The following USP14 variants were observed in gnomAD, a reference collection of about 807,000 sequenced individuals.
USP14 encodes ubiquitin carboxyl-terminal hydrolase 14.
In USP14, 38 loss-of-function variants were observed where a neutral mutation model predicts 76.5. That is an observed-to-expected ratio of 0.50 (90% CI 0.38 to 0.65). USP14 has a LOEUF of 0.65. Among genes scored for constraint, USP14 ranks in the 30% least tolerant of loss-of-function variants. USP14 has a pLI of 0.00. For synonymous variants in USP14, 192 were observed against 191.7 expected, an observed-to-expected ratio of 1.00 and a Z score of -0.01; for missense variants, 467 against 586.5, an observed-to-expected ratio of 0.80 and a Z score of 2.10.
intron 13 of USP14, among the ~76,000 whole-genome samples, chr18:206,194 C>G (rs369473697): frequency 3.9e-5 from 6 of 152,342 alleles, no homozygotes; most frequent in East Asian, 3.9e-4. Flanking sequence ...GAGACTGATT[C>G]ACTTTCTCTG....
intron 5 of USP14, among the ~76,000 whole-genome samples, chr18:182,430 G>A (rs191541285): frequency 5.3e-5 from 8 of 152,198 alleles, no homozygotes; most frequent in Non-Finnish European, 4.4e-5. Context: ...AGAGAAGGGA[G>A]AGAAGGAGTG....
At position 209,986 on chromosome 18, in the gene USP14, A is replaced by G. The variant is rs373139406; in HGVS notation, c.1180A>G (p.Ser394Gly). 6.9e-6 allele frequency: 11 copies of G among 1,602,498 alleles called. No homozygotes were observed. In the African/African-American group the frequency reaches 1.5e-4, roughly 22 times the overall value. Reference protein sequence around the residue: ...QQPNTSDKKSSPQKEVKYEPF... With the variant: ...QQPNTSDKKSGPQKEVKYEPF... The stretch of plus-strand genomic sequence containing the variant: ...TTCTCCTCAGAGTGACAAAAAGAGT[A>G]GTCCCCAGAAAGAAGTTAAGTATGA... Residue 394 changes from serine to glycine, a missense_variant, in exon 14 of 16, where the codon AGT becomes GGT. Coordinates refer to ENST00000261601, the MANE Select transcript of USP14 (RefSeq NM_005151.4).
rs561587226 is a variant in USP14, at chr18:211,836, A to T, written c.*552A>T. On this transcript the variant is annotated 3_prime_UTR_variant, in exon 16 of 16. Coordinates refer to ENST00000261601, the MANE Select transcript of USP14 (RefSeq NM_005151.4). ...ATCAAGTATTTGTCCAGCCTATTGCAGGCTTTTCCTGACTTTAAAATAAAT... is the reference window on the plus strand; with the variant it reads ...ATCAAGTATTTGTCCAGCCTATTGCTGGCTTTTCCTGACTTTAAAATAAAT... The T allele has an allele frequency of 6.5e-6, 1 of 152,778 alleles. No homozygotes were observed. The highest frequency in any genetic ancestry group is 2.1e-4 in the South Asian group (1 of 4,832). 9.5% of individuals were successfully genotyped at this position (152,778 alleles called of 1,614,324 possible). A position where few individuals can be genotyped will look rare whatever the true frequency, so the allele number is the denominator to read the frequency against.
At position 189,916 on chromosome 18, in the gene USP14, C is replaced by T. The variant is rs182315488; in HGVS notation, c.405-2926C>T. 4.6e-5 allele frequency among the ~76,000 whole-genome samples: 7 copies of T among 152,296 alleles called. No homozygotes were observed. The East Asian group carries it at 1.4e-3, about 29-fold the overall frequency. ...AACCCTTCTAGCACTCTAAAAATCC[C>T]CTCACAGATCTTAATCACTAACACC... On this transcript the variant is annotated intron_variant, in intron 5 of 15. Coordinates refer to ENST00000261601, the MANE Select transcript of USP14 (RefSeq NM_005151.4).
Position 211,395 on chromosome 18 carries a change from A to AT in USP14, c.*114dup, listed in dbSNP as rs1910665877. 8.5e-7 allele frequency: 1 copy of AT among 1,176,218 alleles called. No individual in the cohort carries two copies. The highest frequency in any genetic ancestry group is 1.6e-5 in the African/African-American group (1 of 64,408). 72.9% of individuals were successfully genotyped at this position (1,176,218 alleles called of 1,614,324 possible). ...CATAGGTGGGTTTATGTTTCACCTC[A>AT]TTTGGAACAAAAGAGGACAGAAGCA... On this transcript the variant is annotated 3_prime_UTR_variant, in exon 16 of 16. Coordinates refer to ENST00000261601, the MANE Select transcript of USP14 (RefSeq NM_005151.4).
At chr18:161,505 T>C (rs943452300) in intron 1 of USP14, among the ~76,000 whole-genome samples, 2 of 152,252 alleles carry the variant, frequency 1.3e-5, no homozygotes, top group Non-Finnish European at 2.9e-5. Flanking sequence ...TCCTCATTTA[T>C]GAAGCATTCC....
At chr18:176,627 T>C (rs530171598) in intron 3 of USP14, among the ~76,000 whole-genome samples, 2 of 152,282 alleles carry the variant, frequency 1.3e-5, no homozygotes, top group African/African-American at 4.8e-5. Flanking sequence ...TAGTTTATTG[T>C]TTTCAAATGT....
intron 1 of USP14, among the ~76,000 whole-genome samples, chr18:161,815 T>C (rs1446274787): frequency 1.3e-5 from 2 of 152,248 alleles, no homozygotes; most frequent in Non-Finnish European, 2.9e-5. Flanking sequence ...TTTAAAAATA[T>C]ATATTTCAAA....
chr18:209,155 C>G (rs1336776310), intron 13 of USP14, among the ~76,000 whole-genome samples: 1 of 150,808 alleles, frequency 6.6e-6, no homozygotes, highest in Non-Finnish European at 1.5e-5. Context: ...GTTACTTGAA[C>G]TGTGTTTTAG....
intron 2 of USP14, among the ~76,000 whole-genome samples, chr18:165,575 A>G (rs916981044): frequency 1.3e-5 from 2 of 152,090 alleles, no homozygotes; most frequent in Admixed American, 6.6e-5. Context: ...CTTTTATTAT[A>G]TTTTCTTTAA....
chr18:180,555 T>C (rs1909758601), intron 5 of USP14, among the ~76,000 whole-genome samples: 4 of 152,200 alleles, frequency 2.6e-5, no homozygotes, highest in Admixed American at 2.0e-4. Flanking sequence ...AAAAGCAGTG[T>C]CGTACTCACT....
rs1400770921 is a variant in USP14, at chr18:214,283, A to G, written c.*2999A>G. On this transcript the variant is annotated 3_prime_UTR_variant, in exon 16 of 16. Coordinates refer to ENST00000261601, the MANE Select transcript of USP14 (RefSeq NM_005151.4). ...GTGTTATTCTGGGATTTCAGGATAA[A>G]TTTTGTAAAACTACTAACAAACAAC... 5.1e-6 allele frequency: 1 copy of G among 195,046 alleles called. No individual in the cohort carries two copies. Among genetic ancestry groups the G allele is most frequent in the Non-Finnish European group, 1.0e-5 (1 of 95,274 alleles). 12.1% of individuals were successfully genotyped at this position (195,046 alleles called of 1,614,324 possible). A position where few individuals can be genotyped will look rare whatever the true frequency, so the allele number is the denominator to read the frequency against.
intron 13 of USP14, 111 bp downstream of exon 13, chr18:204,803 T>C: frequency 2.6e-6 from 3 of 1,153,444 alleles, no homozygotes; most frequent in Non-Finnish European, 3.6e-6. Context: ...AACTATACTT[T>C]GTATAGTATT....
At chr18:188,679 T>C (rs935048635) in intron 5 of USP14, among the ~76,000 whole-genome samples, 1 of 151,816 alleles carries the variant, frequency 6.6e-6, no homozygotes, top group African/African-American at 2.4e-5. Context: ...GTATTTTATT[T>C]TATTTTATTT....
rs764301715 is a variant in USP14, at chr18:197,621, T to C, written c.600T>C (p.Ala200=). 3 of 1,610,686 alleles carry C rather than the reference T, an allele frequency of 1.9e-6. No individual in the cohort carries two copies. In the South Asian group the frequency reaches 3.3e-5, roughly 18 times the overall value. The change falls in exon 8 of 16, where the codon GCT becomes GCC. Residue 200 remains alanine, a synonymous_variant. Coordinates refer to ENST00000261601, the MANE Select transcript of USP14 (RefSeq NM_005151.4). ...GEQGQYLQQD[A]NECWIQMMRV... ...TGTCTTTTTTTACATTACAGGATGC[T>C]AATGAATGTTGGATACAAATGATGC...
rs1183183213 is a variant in USP14 at position 158,630 on chromosome 18, G to A, written c.-69G>A. 1.3e-5 allele frequency: 19 copies of A among 1,489,666 alleles called. No individual in the cohort carries two copies. The East Asian group carries it at 4.1e-4, about 32-fold the overall frequency. The allele number at this position is 1,489,666 out of a possible 1,614,324, so 92.3% of individuals were successfully genotyped here. A position where few individuals can be genotyped will look rare whatever the true frequency, so the allele number is the denominator to read the frequency against. ...TCGGCCGCCGCCGCAGCTGCTCCTG[G>A]TCCCCGTCCCTTTGCCGCCCTCGTC... On this transcript the variant is annotated 5_prime_UTR_variant, in exon 1 of 16. An upstream open reading frame in the 5' UTR gains an earlier in-frame stop. Transcript: ENST00000261601.
chr18:205,128 G>C (rs1422369452), intron 13 of USP14, among the ~76,000 whole-genome samples: 3 of 151,988 alleles, frequency 2.0e-5, no homozygotes, highest in Non-Finnish European at 4.4e-5. Context: ...TGCCCACCTA[G>C]GCCTCCCAGA....
chr18:176,905 C>A lies in USP14; in HGVS notation c.196-2028C>A, dbSNP rs553508573. 4.6e-3 allele frequency among the ~76,000 whole-genome samples: 699 copies of A among 151,982 alleles called. 5 individuals carry two copies. The highest frequency in any genetic ancestry group is 7.7e-3 in the Non-Finnish European group (522 of 67,944). Reference sequence around the variant, plus strand: ...CCTTTTCCTAATAATTTTTTAAGGGCATTGTTTTAGTCTCTATTCTTTTTC... The same window carrying A: ...CCTTTTCCTAATAATTTTTTAAGGGAATTGTTTTAGTCTCTATTCTTTTTC... On this transcript the variant is annotated intron_variant, in intron 3 of 15. Transcript: ENST00000261601.
At chr18:188,245 T>C (rs1036373423) in intron 5 of USP14, among the ~76,000 whole-genome samples, 1 of 152,164 alleles carries the variant, frequency 6.6e-6, no homozygotes, top group African/African-American at 2.4e-5. Flanking sequence ...TCCCTCCATT[T>C]GTTTACTGGA....
Sources: allele counts gnomAD v4.1 joint callset (sites outside exome capture counted in the v4.1 genomes callset), GRCh38; gene constraint gnomAD v4.1.1; transcripts MANE v1.5; gene names NCBI Gene and HGNC (gene_info 2026-07-23, HGNC 2026-07-21).